The following ADCY2 variants were observed in gnomAD, a reference collection of about 807,000 sequenced individuals.
ADCY2 encodes the protein adenylate cyclase type 2.
Under a neutral mutation model 125.2 loss-of-function variants are expected in ADCY2, and 31 were observed. The observed-to-expected ratio is 0.25, with a 90% CI of 0.19 to 0.33. The LOEUF (loss-of-function observed/expected upper bound fraction) is 0.33. Among genes scored for constraint, ADCY2 ranks in the 10% least tolerant of loss-of-function variants. ADCY2 has a pLI of 1.00. For synonymous variants in ADCY2, 512 were observed against 548.4 expected, an observed-to-expected ratio of 0.93 and a Z score of 0.93; for missense variants, 904 against 1,418.2, an observed-to-expected ratio of 0.64 and a Z score of 5.82.
chr5:7,488,060 G>A (rs1743008460), intron 2 of ADCY2, among the ~76,000 whole-genome samples: 1 of 152,136 alleles, frequency 6.6e-6, no homozygotes, highest in South Asian at 2.1e-4. Context: ...TGGTCTTGTG[G>A]TATGGTTTGG....
chr5:7,531,869 A>G (rs1734657753), intron 3 of ADCY2, among the ~76,000 whole-genome samples: 1 of 152,196 alleles, frequency 6.6e-6, no homozygotes, highest in South Asian at 2.1e-4. Context: ...GAGCGAGTCT[A>G]CTTTTCAACC....
chr5:7,735,772 T>C (rs541612459), intron 14 of ADCY2, among the ~76,000 whole-genome samples: 13 of 152,368 alleles, frequency 8.5e-5, no homozygotes, highest in Non-Finnish European at 1.9e-4. Context: ...TAAGAGATAC[T>C]GATTTCTACT....
At position 7,702,804 on chromosome 5, in the gene ADCY2, C is replaced by T. The variant is rs1741133981; in HGVS notation, c.1110-3940C>T. ...TCTAGATCCTTGAGGAATCACCACA[C>T]TGTCTTCCACAATGGTTGAACTAGT... is the stretch of plus-strand genomic sequence containing the variant. On this transcript the variant is annotated intron_variant, in intron 7 of 24. Coordinates refer to ENST00000338316, the MANE Select transcript of ADCY2 (RefSeq NM_020546.3). 2.6e-5 allele frequency among the ~76,000 whole-genome samples: 4 copies of T among 152,228 alleles called. No homozygotes were observed. In the South Asian group the frequency reaches 6.2e-4, roughly 24 times the overall value.
At chr5:7,400,603 T>C (rs2111436641) in intron 1 of ADCY2, among the ~76,000 whole-genome samples, 1 of 152,320 alleles carries the variant, frequency 6.6e-6, no homozygotes, top group South Asian at 2.1e-4. Flanking sequence ...GGTTGAAGGA[T>C]GGGAGGGCAG....
At chr5:7,622,710 G>T (rs1737995774) in intron 3 of ADCY2, among the ~76,000 whole-genome samples, 1 of 152,188 alleles carries the variant, frequency 6.6e-6, no homozygotes, top group Non-Finnish European at 1.5e-5. Flanking sequence ...TCTCCAGGGG[G>T]CCTCCTCTTG....
At chr5:7,633,942 A>T (rs1197534397) in intron 4 of ADCY2, among the ~76,000 whole-genome samples, 1 of 152,232 alleles carries the variant, frequency 6.6e-6, no homozygotes, top group Non-Finnish European at 1.5e-5. Flanking sequence ...ATTTGACATC[A>T]TTTGATACCA....
chr5:7,423,509 A>G (rs1293059543), intron 2 of ADCY2, among the ~76,000 whole-genome samples: 2 of 152,136 alleles, frequency 1.3e-5, no homozygotes, highest in East Asian at 3.9e-4. Flanking sequence ...TTATAAAGGA[A>G]GGGGAGATCC....
intron 3 of ADCY2, among the ~76,000 whole-genome samples, chr5:7,623,811 C>T (rs977968364): frequency 6.6e-6 from 1 of 152,172 alleles, no homozygotes; most frequent in African/African-American, 2.4e-5. Context: ...ACACATCACT[C>T]AAGCATGCAT....
At position 7,433,404 on chromosome 5, in the gene ADCY2, C is replaced by T. The variant is rs183621168; in HGVS notation, c.408+18634C>T. On this transcript the variant is annotated intron_variant, in intron 2 of 24. Transcript: ENST00000338316. ...TTCAATGTCTTTAACTTAAAAAAACCATACATGGTTTGTGTGTGTGTGTGT... is the reference window on the plus strand; with the variant it reads ...TTCAATGTCTTTAACTTAAAAAAACTATACATGGTTTGTGTGTGTGTGTGT... Among the ~76,000 whole-genome samples, 836 of 151,956 alleles carry T rather than the reference C, an allele frequency of 5.5e-3. 4 individuals carry two copies. The highest frequency in any genetic ancestry group is 8.9e-3 in the Non-Finnish European group (608 of 67,966).
At chr5:7,764,991 T>C (rs910316993) in intron 16 of ADCY2, among the ~76,000 whole-genome samples, 1 of 152,188 alleles carries the variant, frequency 6.6e-6, no homozygotes, top group Non-Finnish European at 1.5e-5. Flanking sequence ...TAGAAAGACA[T>C]AGCAGAAGTG....
At chr5:7,693,253 C>T (rs376218784) in intron 5 of ADCY2, among the ~76,000 whole-genome samples, 1 of 151,964 alleles carries the variant, frequency 6.6e-6, no homozygotes, top group Admixed American at 6.6e-5. Flanking sequence ...GACCTGCCTG[C>T]GTCCAGGTTG....
At chr5:7,463,196 A>G (rs1463676397) in intron 2 of ADCY2, among the ~76,000 whole-genome samples, 1 of 151,900 alleles carries the variant, frequency 6.6e-6, no homozygotes, top group Non-Finnish European at 1.5e-5. Context: ...ATTACATGCC[A>G]TTTTTTTTGG....
At chr5:7,752,821 G>T in intron 15 of ADCY2, among the ~76,000 whole-genome samples, 1 of 151,494 alleles carries the variant, frequency 6.6e-6, no homozygotes, top group East Asian at 1.9e-4. Context: ...AGAACATTGG[G>T]ATTCATCCCA....
In ADCY2 at chr5:7,743,508, G is replaced by C. The variant is rs61055190; in HGVS notation, c.1872-160G>C. On this transcript the variant is annotated intron_variant, in intron 14 of 24. Coordinates refer to ENST00000338316, the MANE Select transcript of ADCY2 (RefSeq NM_020546.3). Reference sequence around the variant, plus strand: ...TGTGTGGACCCTTTTCTATGGACATGTATGTGGCATTTTAGCTCCATTTTT... The same window carrying C: ...TGTGTGGACCCTTTTCTATGGACATCTATGTGGCATTTTAGCTCCATTTTT... Among the ~76,000 whole-genome samples the C allele has an allele frequency of 2.6e-3, 392 of 152,312 alleles. 4 individuals are homozygous for C. The highest frequency in any genetic ancestry group is 9.1e-3 in the African/African-American group (380 of 41,564).
intron 2 of ADCY2, among the ~76,000 whole-genome samples, chr5:7,516,918 G>A (rs1246009683): frequency 1.3e-5 from 2 of 152,104 alleles, no homozygotes; most frequent in African/African-American, 4.8e-5. Context: ...AAAATGAGAA[G>A]ACCCTGTTTT....
At chr5:7,414,917 T>G in intron 2 of ADCY2, 147 bp downstream of exon 2, 1 of 628,434 alleles carries the variant, frequency 1.6e-6, no homozygotes, top group Non-Finnish European at 2.7e-6. Context: ...TGCTAAAATT[T>G]ATTTTTAATC....
At chr5:7,688,868 G>A (rs887137220) in intron 4 of ADCY2, among the ~76,000 whole-genome samples, 3 of 152,156 alleles carry the variant, frequency 2.0e-5, no homozygotes, top group African/African-American at 7.2e-5. Context: ...GGCACATCAC[G>A]AGTTTGATTA....
chr5:7,629,740 C>T (rs1261742415), intron 4 of ADCY2, among the ~76,000 whole-genome samples: 6 of 152,114 alleles, frequency 3.9e-5, no homozygotes, highest in South Asian at 2.1e-4. Flanking sequence ...TCCTGAGCAC[C>T]GTGTAGTGTG....
chr5:7,573,655 C>T (rs2126603969), intron 3 of ADCY2, among the ~76,000 whole-genome samples: 1 of 131,782 alleles, frequency 7.6e-6, no homozygotes, highest in South Asian at 2.4e-4. Flanking sequence ...AGCAGAGTGA[C>T]AGTACAAAGC....
Sources: allele counts gnomAD v4.1 joint callset (sites outside exome capture counted in the v4.1 genomes callset), GRCh38; gene constraint gnomAD v4.1.1; transcripts MANE v1.5; gene names NCBI Gene and HGNC (gene_info 2026-07-23, HGNC 2026-07-21).